ADAMTS2: variants seen among roughly 807,000 people sequenced by gnomAD.
ADAMTS2 encodes ADAM metallopeptidase with thrombospondin type 1 motif 2.
Under a neutral mutation model 123.0 loss-of-function variants are expected in ADAMTS2, and 50 were observed. That is an observed-to-expected ratio of 0.41 (90% CI 0.32 to 0.51). ADAMTS2 has a LOEUF of 0.51. Among genes scored for constraint, ADAMTS2 ranks in the 20% least tolerant of loss-of-function variants. The pLI is 0.35. For synonymous variants in ADAMTS2, 678 were observed against 695.4 expected, an observed-to-expected ratio of 0.98 and a Z score of 0.39; for missense variants, 1,494 against 1,705.2, an observed-to-expected ratio of 0.88 and a Z score of 2.18.
chr5:179,309,455 T>C (rs1756763143), intron 2 of ADAMTS2, among the ~76,000 whole-genome samples: 1 of 152,160 alleles, frequency 6.6e-6, no homozygotes, highest in African/African-American at 2.4e-5. Context: ...CCCCCAAGCC[T>C]GAAGCCTGGT....
intron 10 of ADAMTS2, among the ~76,000 whole-genome samples, chr5:179,151,366 T>A (rs1246940009): frequency 6.6e-6 from 1 of 152,192 alleles, no homozygotes; most frequent in East Asian, 1.9e-4. Context: ...ATTAGGCAGC[T>A]GGCCCAGTCC....
At chr5:179,239,564 C>T (rs940974069) in intron 3 of ADAMTS2, among the ~76,000 whole-genome samples, 3 of 151,938 alleles carry the variant, frequency 2.0e-5, no homozygotes, top group Non-Finnish European at 4.4e-5. Context: ...GAGTCAGGAG[C>T]GTGGGCAATA....
intron 13 of ADAMTS2, 61 bp downstream of exon 13, chr5:179,135,848 C>T: frequency 6.2e-7 from 1 of 1,609,444 alleles, no homozygotes; most frequent in Non-Finnish European, 8.5e-7. Flanking sequence ...AGGGGGAGGT[C>T]AGTACCCAGG....
intron 2 of ADAMTS2, among the ~76,000 whole-genome samples, chr5:179,331,107 C>G (rs942097182): frequency 6.6e-6 from 1 of 151,420 alleles, no homozygotes; most frequent in African/African-American, 2.4e-5. Flanking sequence ...TGGGATGGCT[C>G]GTTGTTGGTT....
intron 3 of ADAMTS2, among the ~76,000 whole-genome samples, chr5:179,226,847 C>T (rs999408932): frequency 2.6e-5 from 4 of 152,222 alleles, no homozygotes; most frequent in Middle Eastern, 3.4e-3. Flanking sequence ...TTATAAGAAA[C>T]GGTGAAAAGA....
chr5:179,169,567 G>A (rs1272654289), intron 5 of ADAMTS2, among the ~76,000 whole-genome samples: 1 of 152,156 alleles, frequency 6.6e-6, no homozygotes, highest in African/African-American at 2.4e-5. Flanking sequence ...GGACCCAGAT[G>A]CTCAGGAGGA....
At chr5:179,258,842 C>T (rs972169489) in intron 3 of ADAMTS2, among the ~76,000 whole-genome samples, 3 of 152,112 alleles carry the variant, frequency 2.0e-5, no homozygotes, top group African/African-American at 2.4e-5. Context: ...AATGGGAATA[C>T]GGTTCTGCCA....
chr5:179,137,657 C>T, intron 12 of ADAMTS2, 112 bp downstream of exon 12: 1 of 1,433,978 alleles, frequency 7.0e-7, no homozygotes, highest in South Asian at 1.3e-5. Flanking sequence ...CTCCTGCCAG[C>T]CCAGGGTCGC....
chr5:179,165,081 C>T lies in ADAMTS2; in HGVS notation c.976-6202G>A, dbSNP rs73807267. 5.4e-3 allele frequency among the ~76,000 whole-genome samples: 828 copies of T among 152,354 alleles called. 12 individuals are homozygous for T. The highest frequency in any genetic ancestry group is 0.019 in the African/African-American group (786 of 41,578). Reference sequence around the variant, plus strand: ...GGGAAGAGCCAAGCTCAGGTCTCTCCGCTGAGACCTCCAGCCAAGGATACT... The same window carrying T: ...GGGAAGAGCCAAGCTCAGGTCTCTCTGCTGAGACCTCCAGCCAAGGATACT... On this transcript the variant is annotated intron_variant, in intron 5 of 21. Transcript: ENST00000251582.
chr5:179,143,731 A>G (rs941700692), intron 10 of ADAMTS2, among the ~76,000 whole-genome samples: 1 of 145,486 alleles, frequency 6.9e-6, no homozygotes, highest in Non-Finnish European at 1.5e-5. Flanking sequence ...ACGAAAAGCA[A>G]CGGAATAGAT....
intron 17 of ADAMTS2, among the ~76,000 whole-genome samples, chr5:179,126,974 T>C (rs1452633234): frequency 1.3e-5 from 2 of 152,198 alleles, no homozygotes; most frequent in African/African-American, 4.8e-5. Flanking sequence ...GGAGATATAC[T>C]GGGAGAGGCC....
intron 12 of ADAMTS2, 125 bp downstream of exon 12, chr5:179,137,644 G>T: frequency 7.5e-7 from 1 of 1,334,924 alleles, no homozygotes; most frequent in Non-Finnish European, 1.0e-6. Context: ...GCCAGGGTGG[G>T]CTCTCCTGCC....
intron 2 of ADAMTS2, among the ~76,000 whole-genome samples, chr5:179,329,326 C>CAAAAAAAAAA (rs79153534): frequency 1.2e-5 from 1 of 85,716 alleles, no homozygotes; most frequent in Non-Finnish European, 2.5e-5. Flanking sequence ...GACTCCGTCT[C>CAAAAAAAAAA]AAAAAAAAAA....
chr5:179,237,736 C>G (rs1194147781), intron 3 of ADAMTS2, among the ~76,000 whole-genome samples: 1 of 152,180 alleles, frequency 6.6e-6, no homozygotes. Context: ...GTGTCCCTGT[C>G]TGCTTTGTCT....
At chr5:179,182,067 C>T (rs2113314300) in intron 4 of ADAMTS2, among the ~76,000 whole-genome samples, 1 of 152,304 alleles carries the variant, frequency 6.6e-6, no homozygotes, top group East Asian at 1.9e-4. Context: ...CCTACTCCTC[C>T]TCGAGGCCAG....
Position 179,188,303 on chromosome 5 carries a change from C to A in ADAMTS2, c.892-7148G>T, listed in dbSNP as rs1304790996. Among the ~76,000 whole-genome samples the A allele has an allele frequency of 3.3e-5, 5 of 152,158 alleles. No homozygotes were observed. The highest frequency in any genetic ancestry group is 1.2e-4 in the African/African-American group (5 of 41,440). ...CTGCTGCTCTGTGGCTTCTCTGGGA[C>A]CCCCTGAAATAAGTGAGGAGAAGGC... On this transcript the variant is annotated intron_variant, in intron 4 of 21. Coordinates refer to ENST00000251582, the MANE Select transcript of ADAMTS2 (RefSeq NM_014244.5). This position sits in a 1 kb window ranked among gnomAD's most constrained non-coding sequence, Gnocchi z 5.1.
intron 2 of ADAMTS2, among the ~76,000 whole-genome samples, chr5:179,322,756 C>A (rs886115814): frequency 1.3e-5 from 2 of 152,232 alleles, no homozygotes; most frequent in African/African-American, 4.8e-5. Flanking sequence ...TGTGGCGATG[C>A]AAACTGGACA....
rs1186641652 is a variant in ADAMTS2, at chr5:179,175,159, T to C, written c.975+5913A>G. Among the ~76,000 whole-genome samples, 7 of 150,210 alleles carry C rather than the reference T, an allele frequency of 4.7e-5. No individual in the cohort carries two copies. The highest frequency in any genetic ancestry group is 1.0e-4 in the Non-Finnish European group (7 of 67,612). On this transcript the variant is annotated intron_variant, in intron 5 of 21. Coordinates refer to ENST00000251582, the MANE Select transcript of ADAMTS2 (RefSeq NM_014244.5). The surrounding 1 kb of genome is among the most constrained non-coding windows in gnomAD (Gnocchi z 4.1). ...GGAGGAAGTCTCTTCCTTGCTTGGG[T>C]TCCGCAGCTGTCTCAGCCATTCTTG...
chr5:179,248,360 T>A (rs1194683413), intron 3 of ADAMTS2, among the ~76,000 whole-genome samples: 1 of 152,100 alleles, frequency 6.6e-6, no homozygotes, highest in African/African-American at 2.4e-5. Context: ...AAATAGCAGA[T>A]AGCAGAATTC....
Sources: gnomAD v4.1 joint callset for allele counts (sites outside exome capture counted in the v4.1 genomes callset) on GRCh38, gnomAD v4.1.1 for gene constraint, Gnocchi (gnomAD v3.1) non-coding constraint, MANE v1.5 for transcripts, NCBI Gene and HGNC (gene_info 2026-07-23, HGNC 2026-07-21) for gene names.